The following SIN3A variants were observed in gnomAD, a reference collection of about 807,000 sequenced individuals.
SIN3A encodes paired amphipathic helix protein Sin3a.
Under a neutral mutation model 146.1 loss-of-function variants are expected in SIN3A, and 14 were observed. The observed-to-expected ratio is 0.10, with a 90% CI of 0.06 to 0.15. SIN3A has a LOEUF of 0.15. SIN3A is among the 10% of genes least tolerant of loss of function. The probability of loss-of-function intolerance (pLI) is 1.00; values close to 1 mark genes in which losing one functional copy is unlikely to be tolerated. For synonymous variants in SIN3A, 572 were observed against 572.0 expected (o/e 1.00, Z 0.00); for missense variants, 1,028 against 1,576.0 (o/e 0.65, Z 5.89).
At chr15:75,419,986 T>C (rs1017002814) in intron 3 of SIN3A, 2 of 152,132 alleles carry the variant, frequency 1.3e-5, no homozygotes, top group African/African-American at 4.8e-5. Flanking sequence ...TCTCTATAAA[T>C]GCATGTATAC....
intron 9 of SIN3A, among the ~76,000 whole-genome samples, chr15:75,402,194 C>T (rs7175852): frequency 0.35 from 53,226 of 151,752 alleles, 10,675 homozygotes; most frequent in African/African-American, 0.54. Flanking sequence ...TGCCCAGCTG[C>T]CCTGCCATTA....
In SIN3A at chr15:75,430,319, C is replaced by T; in HGVS notation, c.57G>A (p.Arg19=). Residue 19 remains arginine, a synonymous_variant, in exon 2 of 21, where the codon CGG becomes CGA. Coordinates refer to ENST00000394947, the MANE Select transcript of SIN3A (RefSeq NM_001145358.2). ...ESPVYAAQQR[R]IPGSTEAFPH... ...GAAAAGCCTCTGTGCTGCCAGGGATCCGACGCTGCTGGGCTGCATACACCG... is the reference window on the plus strand; with the variant it reads ...GAAAAGCCTCTGTGCTGCCAGGGATTCGACGCTGCTGGGCTGCATACACCG... The T allele has an allele frequency of 6.2e-7, 1 of 1,614,128 alleles. No homozygotes were observed. The highest frequency in any genetic ancestry group is 8.5e-7 in the Non-Finnish European group (1 of 1,180,028).
intron 1 of SIN3A, among the ~76,000 whole-genome samples, chr15:75,438,131 C>G (rs1567416043): frequency 6.6e-6 from 1 of 152,120 alleles, no homozygotes; most frequent in South Asian, 2.1e-4. Context: ...GAGGCTGAGG[C>G]AGGCGGATCA....
intron 10 of SIN3A, 84 bp from the exon 11 acceptor site, chr15:75,401,024 G>T: frequency 1.1e-6 from 1 of 935,168 alleles, no homozygotes. Flanking sequence ...TCTGGTTTTG[G>T]ATCAGAAATC....
At chr15:75,407,226 A>AG in intron 8 of SIN3A, 82 bp from the exon 9 acceptor site, 11 of 898,532 alleles carry the variant, frequency 1.2e-5, no homozygotes, top group Non-Finnish European at 2.0e-5. Context: ...CAATGGTTTC[A>AG]TCACTGAAAC....
At chr15:75,378,961 T>C (rs1191440550) in intron 19 of SIN3A, among the ~76,000 whole-genome samples, 1 of 151,632 alleles carries the variant, frequency 6.6e-6, no homozygotes, top group Non-Finnish European at 1.5e-5. Flanking sequence ...AGTGCCGTGG[T>C]GCGATCTCCA....
chr15:75,414,319 AG>A lies in SIN3A; in HGVS notation c.367-9del, dbSNP rs1425251086. The stretch of plus-strand genomic sequence containing the variant: ...AGATAGCGCATCCTCCACCTGAGGC[AG>A]GGATAAATATCAAGGTTATAAAAAG... On this transcript the variant is annotated splice_polypyrimidine_tract_variant and intron_variant, in intron 3 of 20. Coordinates refer to ENST00000394947, the MANE Select transcript of SIN3A (RefSeq NM_001145358.2). 1 of 1,425,486 alleles carries A rather than the reference AG, an allele frequency of 7.0e-7. No homozygotes were observed. The highest frequency in any genetic ancestry group is 1.6e-5 in the South Asian group (1 of 60,638). The allele number at this position is 1,425,486 out of a possible 1,614,324, so 88.3% of individuals were successfully genotyped here.
At chr15:75,436,782 A>C (rs1376728600) in intron 1 of SIN3A, among the ~76,000 whole-genome samples, 1 of 152,090 alleles carries the variant, frequency 6.6e-6, no homozygotes, top group Non-Finnish European at 1.5e-5. Flanking sequence ...ACAGGAAGAA[A>C]AGCCAACAAT....
At chr15:75,376,837 G>A (rs2072867434) in intron 19 of SIN3A, among the ~76,000 whole-genome samples, 1 of 144,242 alleles carries the variant, frequency 6.9e-6, no homozygotes, top group South Asian at 2.2e-4. Context: ...TATAGCCTGG[G>A]ACACAGAGCC....
chr15:75,394,883 T>C lies in SIN3A; in HGVS notation c.2094-20A>G. 6.2e-7 allele frequency: 1 copy of C among 1,606,398 alleles called. No individual in the cohort carries two copies. Among genetic ancestry groups the C allele is most frequent in the Non-Finnish European group, 8.5e-7 (1 of 1,176,154 alleles). Reference sequence around the variant, plus strand: ...TTCAACCTAGTGAAGCGGGAAGGGATGGAAACAACACATGGGAATTCAGAG... The same window carrying C: ...TTCAACCTAGTGAAGCGGGAAGGGACGGAAACAACACATGGGAATTCAGAG... On this transcript the variant is annotated intron_variant, in intron 13 of 20. Coordinates refer to ENST00000394947, the MANE Select transcript of SIN3A (RefSeq NM_001145358.2).
intron 1 of SIN3A, among the ~76,000 whole-genome samples, chr15:75,438,513 G>A (rs1233689497): frequency 7.2e-5 from 11 of 151,920 alleles, no homozygotes; most frequent in African/African-American, 2.2e-4. Flanking sequence ...GTGAGACACC[G>A]TCTCTACAAA....
chr15:75,418,678 ACTG>A (rs1256081954), intron 3 of SIN3A, among the ~76,000 whole-genome samples: 1 of 151,956 alleles, frequency 6.6e-6, no homozygotes, highest in African/African-American at 2.4e-5. Flanking sequence ...TGAGAAATAA[ACTG>A]CTATTATTTA....
At chr15:75,454,103 G>C (rs1470575850), upstream of SIN3A, among the ~76,000 whole-genome samples, 1 of 152,170 alleles carries the variant, frequency 6.6e-6, no homozygotes, top group African/African-American at 2.4e-5. Context: ...ACCAATCAGA[G>C]GCGGGGGCGG....
chr15:75,437,923 G>C (rs939142510), intron 1 of SIN3A, among the ~76,000 whole-genome samples: 3 of 152,178 alleles, frequency 2.0e-5, no homozygotes, highest in African/African-American at 4.8e-5. Flanking sequence ...GGGTGACTGA[G>C]GAGGAAGGAT....
chr15:75,425,164 A>T (rs1239698750), intron 2 of SIN3A, among the ~76,000 whole-genome samples: 1 of 151,970 alleles, frequency 6.6e-6, no homozygotes, highest in Non-Finnish European at 1.5e-5. Context: ...ATTAAAGATG[A>T]CTCTTACTTT....
chr15:75,396,268 C>T lies in SIN3A; in HGVS notation c.2083G>A (p.Val695Ile), dbSNP rs774213579. Residue 695 changes from valine (V) to isoleucine (I), a missense_variant, in exon 13 of 21, where the codon GTC becomes ATC. Physicochemically the swap from Val to Ile is conservative, Grantham distance 29 (BLOSUM62 3). This residue lies in a region of SIN3A where 157 missense variants were observed against 284.8 expected (regional missense o/e 0.55). Coordinates refer to ENST00000394947, the MANE Select transcript of SIN3A (RefSeq NM_001145358.2). ...RKNPSIAVPI[V>I]LKRLKMKEEE... ...CATTTGCTCATGTACCTTTTAAGGA[C>T]AATTGGAACAGCAATGGAGGGATTC... The T allele has an allele frequency of 6.2e-7, 1 of 1,612,336 alleles. No homozygotes were observed.
chr15:75,409,720 C>T (rs1004863552), intron 8 of SIN3A, 116 bp downstream of exon 8: 4 of 1,135,944 alleles, frequency 3.5e-6, no homozygotes, highest in Middle Eastern at 3.0e-4. Flanking sequence ...GAGCGAGACT[C>T]GGTCTCAAAA....
At chr15:75,415,782 C>T (rs1441657571) in intron 3 of SIN3A, 16 of 153,030 alleles carry the variant, frequency 1.0e-4, no homozygotes, top group South Asian at 3.2e-4. Context: ...ACCCAGGAGG[C>T]GGAGGTTGCG....
chr15:75,389,600 T>G, intron 16 of SIN3A, 52 bp downstream of exon 16: 3 of 1,581,216 alleles, frequency 1.9e-6, no homozygotes, highest in Non-Finnish European at 1.7e-6. Flanking sequence ...GTGGCCCATC[T>G]CTAGGTAAGG....
Sources: allele counts gnomAD v4.1 joint callset (sites outside exome capture counted in the v4.1 genomes callset), GRCh38; gene constraint gnomAD v4.1.1; regional missense constraint gnomAD v4.1.1; transcripts MANE v1.5; gene names NCBI Gene and HGNC (gene_info 2026-07-23, HGNC 2026-07-21).